Variants in MYOZ3 observed in about 807,000 individuals in gnomAD.
MYOZ3 encodes the protein myozenin-3.
MYOZ3 carries 19 observed loss-of-function variants against 26.5 expected under a neutral mutation model. The ratio of observed to expected loss-of-function variants is 0.72; its 90% CI spans 0.50 to 1.05. The LOEUF (loss-of-function observed/expected upper bound fraction) is 1.05. Ranked by LOEUF, MYOZ3 falls within the 50% of genes least tolerant of loss-of-function variation. The pLI, the probability that MYOZ3 is intolerant of heterozygous loss-of-function variation, is 0.00. For synonymous variants in MYOZ3, 135 were observed against 138.8 expected (o/e 0.97, Z 0.19); for missense variants, 322 against 337.1 (o/e 0.96, Z 0.35).
chr5:150,662,926 G>T lies in MYOZ3; in HGVS notation c.-1-15G>T, dbSNP rs376652658. 409 of 1,608,220 alleles carry T rather than the reference G, an allele frequency of 2.5e-4. No homozygotes were observed. Among genetic ancestry groups the T allele is most frequent in the Non-Finnish European group, 3.2e-4 (376 of 1,176,996 alleles). Reference sequence around the variant, plus strand: ...GAGGCAGCCTGGTCCATTTATGGGGGTCTCTCCTCCACAGGATGATCCCCA... The same window carrying T: ...GAGGCAGCCTGGTCCATTTATGGGGTTCTCTCCTCCACAGGATGATCCCCA... On this transcript the variant is annotated splice_polypyrimidine_tract_variant and intron_variant, in intron 1 of 6. Coordinates refer to ENST00000517768, the MANE Select transcript of MYOZ3 (RefSeq NM_001122853.3).
chr5:150,670,453 G>A, intron 2 of MYOZ3, 31 bp from the exon 3 acceptor site: 1 of 1,579,470 alleles, frequency 6.3e-7, no homozygotes, highest in Non-Finnish European at 8.6e-7. Context: ...GGGATGGGGT[G>A]GTGAGAGCCC....
intron 1 of MYOZ3, among the ~76,000 whole-genome samples, chr5:150,662,120 A>C (rs1038029478): frequency 2.6e-5 from 4 of 152,146 alleles, no homozygotes; most frequent in Non-Finnish European, 5.9e-5. Context: ...TAAAGGAAGG[A>C]GTATAGGAAA....
intron 2 of MYOZ3, 34 bp from the exon 3 acceptor site, chr5:150,670,450 G>A: frequency 6.3e-7 from 1 of 1,577,138 alleles, no homozygotes; most frequent in Non-Finnish European, 8.6e-7. Context: ...TGGGGGATGG[G>A]GTGGTGAGAG....
intron 6 of MYOZ3, 158 bp downstream of exon 6, chr5:150,672,660 C>T (rs1758941027): frequency 5.0e-6 from 4 of 806,906 alleles, no homozygotes; most frequent in African/African-American, 1.8e-5. Context: ...AACAGCGCCT[C>T]CGCACCTGGT....
rs1367007988 is a variant in MYOZ3 at position 150,679,042 on chromosome 5, C to CAATGGCCT, written c.*2168_*2175dup. ...ACTCCCCTTCTGGGTCCCAAGGGCC[C>CAATGGCCT]AATGGCCTGACTTTTAGAATTGCTT... On this transcript the variant is annotated 3_prime_UTR_variant, in exon 7 of 7. Coordinates refer to ENST00000517768, the MANE Select transcript of MYOZ3 (RefSeq NM_001122853.3). 6.6e-6 allele frequency: 1 copy of CAATGGCCT among 152,348 alleles called. No homozygotes were observed. The highest frequency in any genetic ancestry group is 2.4e-5 in the African/African-American group (1 of 41,448). 9.4% of individuals were successfully genotyped at this position (152,348 alleles called of 1,614,324 possible).
Position 150,673,575 on chromosome 5 carries a change from C to T in MYOZ3, c.587+1073C>T, listed in dbSNP as rs192072178. Among the ~76,000 whole-genome samples, 593 of 152,210 alleles carry T rather than the reference C, an allele frequency of 3.9e-3. 3 individuals carry two copies. Among genetic ancestry groups the T allele is most frequent in the South Asian group, 7.1e-3 (34 of 4,818 alleles). ...CGGGCTGGTCTCGAACTCCTGAACTCGTGATCCACCCGCCTTTGCCTCCCA... is the reference window on the plus strand; with the variant it reads ...CGGGCTGGTCTCGAACTCCTGAACTTGTGATCCACCCGCCTTTGCCTCCCA... On this transcript the variant is annotated intron_variant, in intron 6 of 6. Coordinates refer to ENST00000517768, the MANE Select transcript of MYOZ3 (RefSeq NM_001122853.3).
intron 3 of MYOZ3, chr5:150,671,293 T>C (rs1758905030): frequency 2.3e-6 from 1 of 442,836 alleles, no homozygotes; most frequent in Non-Finnish European, 4.1e-6. Context: ...TTAATGCTCA[T>C]AGACCCCTCT....
At chr5:150,673,960 C>G (rs1021513707) in intron 6 of MYOZ3, among the ~76,000 whole-genome samples, 3 of 152,104 alleles carry the variant, frequency 2.0e-5, no homozygotes, top group African/African-American at 7.2e-5. Flanking sequence ...CTAAGACAGA[C>G]GGGTGGGCGC....
chr5:150,667,083 T>C (rs180755586), intron 2 of MYOZ3, among the ~76,000 whole-genome samples: 257 of 152,242 alleles, frequency 1.7e-3, no homozygotes, highest in African/African-American at 5.7e-3. Context: ...TTTCTGTTCT[T>C]AGCACATAAA....
At chr5:150,666,548 AG>A (rs1199564433) in intron 2 of MYOZ3, among the ~76,000 whole-genome samples, 1 of 148,778 alleles carries the variant, frequency 6.7e-6, no homozygotes, top group Non-Finnish European at 1.5e-5. Flanking sequence ...CAGGAGGCAG[AG>A]GTTGCAGTGA....
intron 2 of MYOZ3, among the ~76,000 whole-genome samples, chr5:150,665,311 T>G (rs757478505): frequency 5.3e-5 from 8 of 152,172 alleles, no homozygotes; most frequent in Non-Finnish European, 1.2e-4. Context: ...CGCGGGGAGC[T>G]CTCGAGCATG....
At chr5:150,666,630 A>AAAATAT (rs1554113786) in intron 2 of MYOZ3, among the ~76,000 whole-genome samples, 1 of 123,064 alleles carries the variant, frequency 8.1e-6, no homozygotes, top group African/African-American at 3.3e-5. Flanking sequence ...AAAAAAAAAA[A>AAAATAT]ATATATATAT....
chr5:150,676,990 C>A lies in MYOZ3; in HGVS notation c.*115C>A. ...GGCCTTCACACACAAAACCTGATTG[C>A]AAATGGCTTCAGAGGTCACCAAGTT... On this transcript the variant is annotated 3_prime_UTR_variant, in exon 7 of 7. Transcript: ENST00000517768. 2 of 1,064,412 alleles carry A rather than the reference C, an allele frequency of 1.9e-6. No individual in the cohort carries two copies. Among genetic ancestry groups the A allele is most frequent in the Non-Finnish European group, 2.7e-6 (2 of 742,690 alleles). 65.9% of individuals were successfully genotyped at this position (1,064,412 alleles called of 1,614,324 possible). A position where few individuals can be genotyped will look rare whatever the true frequency, so the allele number is the denominator to read the frequency against.
chr5:150,666,613 C>CA (rs1225832285), intron 2 of MYOZ3, among the ~76,000 whole-genome samples: 2,529 of 104,138 alleles, frequency 0.024, 40 homozygotes, highest in Non-Finnish European at 0.026. Context: ...GACTCTGTCT[C>CA]AAAAAAAAAA....
chr5:150,670,677 A>G, intron 3 of MYOZ3, 39 bp downstream of exon 3: 2 of 1,572,520 alleles, frequency 1.3e-6, no homozygotes, highest in Non-Finnish European at 1.7e-6. Flanking sequence ...GAAAATGAGG[A>G]CCACAGAGAG....
rs187465810 is a variant in MYOZ3, at chr5:150,669,632, G to A, written c.62-852G>A. 5.6e-5 allele frequency among the ~76,000 whole-genome samples: 4 copies of A among 71,956 alleles called. No homozygotes were observed. The East Asian group carries it at 1.5e-3, about 26-fold the overall frequency. 47.2% of individuals were successfully genotyped at this position (71,956 alleles called of 152,430 possible). A position where few individuals can be genotyped will look rare whatever the true frequency, so the allele number is the denominator to read the frequency against. On this transcript the variant is annotated intron_variant, in intron 2 of 6. Transcript: ENST00000517768. ...CCAACTTTCCTCAGGGCCCATATATGCTTTTTTTTTTTTTTTTTTTTTTTT... is the reference window on the plus strand; with the variant it reads ...CCAACTTTCCTCAGGGCCCATATATACTTTTTTTTTTTTTTTTTTTTTTTT...
chr5:150,663,120 G>C (rs374170874), intron 2 of MYOZ3, 118 bp downstream of exon 2: 6 of 791,446 alleles, frequency 7.6e-6, no homozygotes, highest in East Asian at 6.0e-5. Flanking sequence ...CTCCAGGCCA[G>C]CTCTGAGGGA....
chr5:150,672,745 G>A, intron 6 of MYOZ3: 1 of 496,160 alleles, frequency 2.0e-6, no homozygotes. Flanking sequence ...GACATGGTGG[G>A]CGGGTGCTAT....
Position 150,672,332 on chromosome 5 carries a change from G to C in MYOZ3, c.425-8G>C, listed in dbSNP as rs1174936172. ...AACGGAGGCGCTCCCTTCCCCCCGC[G>C]CCCCTAGGCTATGCGGAGCCGCTGA... On this transcript the variant is annotated splice_polypyrimidine_tract_variant and splice_region_variant and intron_variant, in intron 5 of 6. Coordinates refer to ENST00000517768, the MANE Select transcript of MYOZ3 (RefSeq NM_001122853.3). 49 of 1,595,034 alleles carry C rather than the reference G, an allele frequency of 3.1e-5. No homozygotes were observed. Among genetic ancestry groups the C allele is most frequent in the Non-Finnish European group, 4.0e-5 (47 of 1,171,608 alleles).
Sources: gnomAD v4.1 joint callset for allele counts (sites outside exome capture counted in the v4.1 genomes callset) on GRCh38, gnomAD v4.1.1 for gene constraint, MANE v1.5 for transcripts, NCBI Gene and HGNC (gene_info 2026-07-23, HGNC 2026-07-21) for gene names.